ATXN2: variants seen among roughly 807,000 people sequenced by gnomAD.
ATXN2 encodes ataxin-2.
A neutral mutation model predicts 138.6 loss-of-function variants in ATXN2; 37 were observed. That is an observed-to-expected ratio of 0.27 (90% CI 0.21 to 0.35). ATXN2 has a LOEUF of 0.35. Ranked by LOEUF, ATXN2 falls within the 10% of genes least tolerant of loss-of-function variation. The pLI is 1.00. For missense variants in ATXN2, 1,216 were observed against 1,480.3 expected (o/e 0.82, Z 2.93); for synonymous variants, 549 against 543.7 (o/e 1.01, Z -0.13).
intron 18 of ATXN2, among the ~76,000 whole-genome samples, chr12:111,483,196 C>CACACACACACAT (rs1877379263): frequency 9.0e-6 from 1 of 111,286 alleles, no homozygotes; most frequent in Non-Finnish European, 2.0e-5. Flanking sequence ...CAAACACATA[C>CACACACACACAT]ACACACACAC....
In ATXN2 at chr12:111,528,576, T is replaced by A. The variant is rs951858664; in HGVS notation, c.572-3260A>T. On this transcript the variant is annotated intron_variant, in intron 5 of 24. Coordinates refer to ENST00000673436, the MANE Select transcript of ATXN2 (RefSeq NM_001372574.1). ...TCTGTTTACAATACCAAACTTTTTT[T>A]AAAAAAAAGTATTCACAGGTTATGT... is the stretch of plus-strand genomic sequence containing the variant. Among the ~76,000 whole-genome samples, 23 of 152,084 alleles carry A rather than the reference T, an allele frequency of 1.5e-4. No individual in the cohort carries two copies. The East Asian group carries it at 1.7e-3, about 11-fold the overall frequency.
chr12:111,479,962 T>C (rs1481229154), intron 18 of ATXN2, among the ~76,000 whole-genome samples: 2 of 109,772 alleles, frequency 1.8e-5, no homozygotes, highest in African/African-American at 3.6e-5. Flanking sequence ...ACCTGGGCAA[T>C]ATAATGAGAC....
In ATXN2 at chr12:111,505,766, C is replaced by A. The variant is rs530961550; in HGVS notation, c.1935+3783G>T. On this transcript the variant is annotated intron_variant, in intron 14 of 24. Coordinates refer to ENST00000673436, the MANE Select transcript of ATXN2 (RefSeq NM_001372574.1). Reference sequence around the variant, plus strand: ...TGGGAATGTAAAATAGTGTAGATATCTTGGCAAATAGCTTGGTAGTTCCTC... The same window carrying A: ...TGGGAATGTAAAATAGTGTAGATATATTGGCAAATAGCTTGGTAGTTCCTC... 6.6e-5 allele frequency among the ~76,000 whole-genome samples: 10 copies of A among 152,146 alleles called. No homozygotes were observed. The South Asian group carries it at 2.1e-3, about 32-fold the overall frequency.
At chr12:111,549,686 C>G in intron 5 of ATXN2, among the ~76,000 whole-genome samples, 1 of 152,168 alleles carries the variant, frequency 6.6e-6, no homozygotes, top group East Asian at 1.9e-4. Flanking sequence ...GACCTGATGT[C>G]CTAAACACAT....
At chr12:111,461,876 C>T (rs1875612055) in intron 21 of ATXN2, among the ~76,000 whole-genome samples, 1 of 150,416 alleles carries the variant, frequency 6.6e-6, no homozygotes. Flanking sequence ...GAGCCGAGAT[C>T]GCACCACTGC....
intron 10 of ATXN2, 110 bp from the exon 11 acceptor site, chr12:111,513,649 C>T: frequency 1.2e-6 from 1 of 858,362 alleles, no homozygotes; most frequent in Non-Finnish European, 1.6e-6. Flanking sequence ...ACTCACTCTA[C>T]AGTTTTTCCT....
In ATXN2 at chr12:111,456,041, G is replaced by A; in HGVS notation, c.3258C>T (p.Ala1086=). Reference sequence around the variant, plus strand: ...AAGCTGGTATTACCTGAGGTACGTGGGCCATGTGGGGTGGGTTGGTATACG... The same window carrying A: ...AAGCTGGTATTACCTGAGGTACGTGAGCCATGTGGGGTGGGTTGGTATACG... The part of the protein sequence containing the change: ...QPAYTNPPHM[A]HVPQAHVQSG... The change falls in exon 23 of 25, where the codon GCC becomes GCT. Residue 1086 remains alanine (A), a synonymous_variant. Coordinates refer to ENST00000673436, the MANE Select transcript of ATXN2 (RefSeq NM_001372574.1). The A allele has an allele frequency of 6.2e-7, 1 of 1,614,178 alleles. No homozygotes were observed. Among genetic ancestry groups the A allele is most frequent in the Non-Finnish European group, 8.5e-7 (1 of 1,180,000 alleles).
At chr12:111,481,027 A>G (rs1289104834) in intron 18 of ATXN2, among the ~76,000 whole-genome samples, 3 of 152,214 alleles carry the variant, frequency 2.0e-5, no homozygotes, top group Non-Finnish European at 2.9e-5. Context: ...GATAACCTAT[A>G]GTCAGGGCAT....
chr12:111,454,935 T>G, intron 23 of ATXN2: 1 of 665,708 alleles, frequency 1.5e-6, no homozygotes. Context: ...CAAACCGGCT[T>G]CCCTCCCCAC....
At chr12:111,587,866 A>G (rs1037841453) in intron 1 of ATXN2, among the ~76,000 whole-genome samples, 1 of 152,136 alleles carries the variant, frequency 6.6e-6, no homozygotes, top group Non-Finnish European at 1.5e-5. Context: ...TTACATTCCC[A>G]AAATGTAGTT....
intron 1 of ATXN2, chr12:111,564,810 T>G (rs4766464): frequency 6.6e-6 from 1 of 152,212 alleles, no homozygotes; most frequent in African/African-American, 2.4e-5. Flanking sequence ...CAGTATTTAC[T>G]ACTTCTGCAT....
intron 6 of ATXN2, among the ~76,000 whole-genome samples, chr12:111,523,289 A>G (rs1310496448): frequency 2.0e-5 from 3 of 152,134 alleles, no homozygotes; most frequent in African/African-American, 7.2e-5. Context: ...TTTTTCTCTT[A>G]ATAAATCTTA....
intron 5 of ATXN2, among the ~76,000 whole-genome samples, chr12:111,525,846 G>A (rs897529367): frequency 4.0e-5 from 6 of 151,666 alleles, no homozygotes; most frequent in South Asian, 2.1e-4. Flanking sequence ...CACCACGCCC[G>A]GATAATTTTT....
chr12:111,574,104 T>C (rs936019563), intron 1 of ATXN2, among the ~76,000 whole-genome samples: 44 of 151,260 alleles, frequency 2.9e-4, no homozygotes, highest in African/African-American at 1.0e-3. Context: ...GATCATGAGG[T>C]CGGGATCTGT....
At chr12:111,590,414 C>T (rs181009520) in intron 1 of ATXN2, among the ~76,000 whole-genome samples, 27 of 152,100 alleles carry the variant, frequency 1.8e-4, no homozygotes, top group African/African-American at 5.5e-4. Context: ...GGGGGCCGGA[C>T]GCAGCAGCTC....
At chr12:111,485,946 C>G (rs2135699127) in intron 16 of ATXN2, 81 bp from the exon 17 acceptor site, 1 of 1,405,822 alleles carries the variant, frequency 7.1e-7, no homozygotes, top group Admixed American at 2.2e-5. Flanking sequence ...TTTTCCCAGT[C>G]TTTCTAATTT....
chr12:111,545,506 G>A (rs1375621015), intron 5 of ATXN2, among the ~76,000 whole-genome samples: 1 of 152,036 alleles, frequency 6.6e-6, no homozygotes, highest in African/African-American at 2.4e-5. Flanking sequence ...TGAGGCTGCA[G>A]TGAGCTGAAA....
chr12:111,552,908 T>C lies in ATXN2; in HGVS notation c.418A>G (p.Lys140Glu). ...YEGVFKTYSP[K>E]CDLVLDAAHE... ...AAAAGAAAAAAAGTAAAAATTACCT[T>C]CGGACTGTAAGTTTTAAAAACTCCT... Residue 140 changes from lysine (K) to glutamate (E), a missense_variant and splice_region_variant, in exon 4 of 25, where the codon AAG becomes GAG. Around this residue, in one of 4 missense-constraint regions of ATXN2, gnomAD observed 401 missense variants for 528.1 expected, o/e 0.76. Transcript: ENST00000673436. The surrounding 1 kb of genome is among the most constrained non-coding windows in gnomAD (Gnocchi z 4.1). The C allele has an allele frequency of 6.5e-7, 1 of 1,544,540 alleles. No homozygotes were observed. Among genetic ancestry groups the C allele is most frequent in the African/African-American group, 1.4e-5 (1 of 70,714 alleles).
At chr12:111,503,282 T>C (rs531957203) in intron 14 of ATXN2, among the ~76,000 whole-genome samples, 10 of 152,360 alleles carry the variant, frequency 6.6e-5, no homozygotes, top group African/African-American at 2.2e-4. Context: ...TAGTTACTAT[T>C]CAAAGCACTG....
Sources: allele counts gnomAD v4.1 joint callset (sites outside exome capture counted in the v4.1 genomes callset), GRCh38; gene constraint gnomAD v4.1.1; regional missense constraint gnomAD v4.1.1; non-coding constraint Gnocchi (gnomAD v3.1); transcripts MANE v1.5; gene names NCBI Gene and HGNC (gene_info 2026-07-23, HGNC 2026-07-21).